Variants in ZMYM2 observed in about 807,000 individuals in gnomAD.
ZMYM2 encodes zinc finger MYM-type protein 2.
A neutral mutation model predicts 162.8 loss-of-function variants in ZMYM2; 56 were observed. That is an observed-to-expected ratio of 0.34 (90% CI 0.28 to 0.43). The LOEUF (loss-of-function observed/expected upper bound fraction) is 0.43, where lower values mean the gene tolerates loss of function less well. Ranked by LOEUF, ZMYM2 falls within the 20% of genes least tolerant of loss-of-function variation. ZMYM2 has a pLI of 1.00. For synonymous variants in ZMYM2, 510 were observed against 541.6 expected (o/e 0.94, Z 0.81); for missense variants, 1,275 against 1,621.8 (o/e 0.79, Z 3.67).
rs556372377 is a variant in ZMYM2 at position 20,030,468 on chromosome 13, G to A, written c.1852-851G>A. On this transcript the variant is annotated intron_variant, in intron 9 of 24. Transcript: ENST00000610343. ...GGCTGGAGTGCAGTGGCGTGATCTC[G>A]GCTCACTGCAAGCTCCACCTCCTGG... is the stretch of plus-strand genomic sequence containing the variant. Among the ~76,000 whole-genome samples the A allele has an allele frequency of 1.8e-3, 272 of 148,550 alleles. 2 individuals are homozygous for A. The highest frequency in any genetic ancestry group is 0.012 in the South Asian group (57 of 4,714).
intron 2 of ZMYM2, among the ~76,000 whole-genome samples, chr13:19,973,185 C>T (rs1956474608): frequency 1.3e-5 from 2 of 151,912 alleles, no homozygotes; most frequent in South Asian, 2.1e-4. Flanking sequence ...GATCCGCCCA[C>T]CTCAGCCTCC....
intron 6 of ZMYM2, among the ~76,000 whole-genome samples, chr13:20,007,101 C>T (rs1488099517): frequency 6.6e-6 from 1 of 151,688 alleles, no homozygotes; most frequent in African/African-American, 2.4e-5. Flanking sequence ...TTGAAGTGGT[C>T]GTATTGTTTA....
chr13:20,009,619 G>C (rs919316163), intron 6 of ZMYM2, among the ~76,000 whole-genome samples: 2 of 151,934 alleles, frequency 1.3e-5, no homozygotes, highest in African/African-American at 4.8e-5. Flanking sequence ...CTATGAATTC[G>C]TATATTCTAG....
chr13:19,963,092 A>C (rs142995396), intron 2 of ZMYM2, among the ~76,000 whole-genome samples: 2 of 150,756 alleles, frequency 1.3e-5, no homozygotes, highest in Admixed American at 6.6e-5. Context: ...GCCCGCCTCA[A>C]CCTTCCAGAG....
chr13:20,028,791 C>T (rs1376895585), intron 9 of ZMYM2, among the ~76,000 whole-genome samples: 1 of 151,642 alleles, frequency 6.6e-6, no homozygotes, highest in Non-Finnish European at 1.5e-5. Context: ...TGTACATGTC[C>T]ATACACATGC....
chr13:19,983,888 A>G (rs935527264), intron 2 of ZMYM2, among the ~76,000 whole-genome samples: 1 of 152,210 alleles, frequency 6.6e-6, no homozygotes, highest in African/African-American at 2.4e-5. Flanking sequence ...ATGGCCTCCT[A>G]AAGTGCTGGG....
intron 12 of ZMYM2, among the ~76,000 whole-genome samples, chr13:20,046,599 G>GTATATA (rs1954824174): frequency 3.7e-5 from 1 of 27,002 alleles, no homozygotes; most frequent in Non-Finnish European, 2.1e-4. Flanking sequence ...GTGTGTGTGT[G>GTATATA]TGTGTGTGTA....
Position 20,031,300 on chromosome 13 carries a change from CT to C in ZMYM2, c.1852-15del. 6.4e-7 allele frequency: 1 copy of C among 1,551,386 alleles called. No individual in the cohort carries two copies. On this transcript the variant is annotated intron_variant, in intron 9 of 24. Transcript: ENST00000610343. ...CAAACATACATGTCAGGCTTAGTAT[CT>C]TTTGTTCTTTGTTTTAGGCTCTAAG...
intron 6 of ZMYM2, 97 bp downstream of exon 6, chr13:20,006,683 CT>C: frequency 8.3e-7 from 1 of 1,209,178 alleles, no homozygotes; most frequent in Non-Finnish European, 1.2e-6. Context: ...CTGGCTTTAT[CT>C]TAGAATTTCA....
chr13:20,080,909 TA>T lies in ZMYM2; in HGVS notation c.3454-1105del, dbSNP rs1301948273. Among the ~76,000 whole-genome samples the T allele has an allele frequency of 3.3e-5, 5 of 152,376 alleles. No individual in the cohort carries two copies. The South Asian group carries it at 1.0e-3, about 32-fold the overall frequency. ...GTCATGCAGACATTCAACTATGCTGTAACATGAAAGCTGCTGTACAGTATGC... is the reference window on the plus strand; with the variant it reads ...GTCATGCAGACATTCAACTATGCTGTACATGAAAGCTGCTGTACAGTATGC... On this transcript the variant is annotated intron_variant, in intron 21 of 24. Transcript: ENST00000610343.
rs1954029292 is a variant in ZMYM2 at position 20,039,458 on chromosome 13, C to T, written c.2292+2549C>T. On this transcript the variant is annotated intron_variant, in intron 12 of 24. Coordinates refer to ENST00000610343, the MANE Select transcript of ZMYM2 (RefSeq NM_197968.4). The stretch of plus-strand genomic sequence containing the variant: ...TATTTTGAGGTATATTTCTTCAATA[C>T]CTAGTTTATTGAGAGTTTTTTTTTT... Among the ~76,000 whole-genome samples, 3 of 145,888 alleles carry T rather than the reference C, an allele frequency of 2.1e-5. No homozygotes were observed. In the Admixed American group the frequency reaches 2.2e-4, roughly 11 times the overall value.
At chr13:19,887,300 G>A in the ZMYM2 span, among the ~76,000 whole-genome samples, 3 of 151,522 alleles carry the variant, frequency 2.0e-5, no homozygotes, top group East Asian at 5.8e-4. Context: ...AGGCGGAGGC[G>A]GGTGGATCAC....
intron 14 of ZMYM2, among the ~76,000 whole-genome samples, chr13:20,055,597 A>G (rs931791037): frequency 2.0e-5 from 3 of 152,210 alleles, no homozygotes; most frequent in African/African-American, 7.2e-5. Flanking sequence ...ATACTGTTAG[A>G]AAAGTTTCAT....
At chr13:20,050,215 T>TA (rs1555319323) in intron 12 of ZMYM2, among the ~76,000 whole-genome samples, 2 of 151,766 alleles carry the variant, frequency 1.3e-5, no homozygotes, top group Non-Finnish European at 3.0e-5. Context: ...GCAGGAGAAA[T>TA]ACCTGACCTG....
At chr13:20,056,306 G>A (rs1289974450) in intron 14 of ZMYM2, among the ~76,000 whole-genome samples, 1 of 152,182 alleles carries the variant, frequency 6.6e-6, no homozygotes, top group African/African-American at 2.4e-5. Flanking sequence ...CATCCTAGAA[G>A]TTGAACACTA....
chr13:19,942,639 G>A, the ZMYM2 span, among the ~76,000 whole-genome samples: 1 of 152,034 alleles, frequency 6.6e-6, no homozygotes, highest in Admixed American at 6.6e-5. Context: ...GAGCCTGGGA[G>A]GTTGAAGCTG....
chr13:19,996,709 T>A (rs1886017), intron 3 of ZMYM2, among the ~76,000 whole-genome samples: 2,094 of 151,804 alleles, frequency 0.014, 40 homozygotes, highest in African/African-American at 0.047. Flanking sequence ...AGACTGAGAC[T>A]CTGTCTCAAA....
the ZMYM2 span, among the ~76,000 whole-genome samples, chr13:19,892,094 G>A: frequency 3.0e-4 from 45 of 151,464 alleles, 2 homozygotes; most frequent in Admixed American, 1.8e-3. Context: ...GCGTGAGCTA[G>A]CACACCCAGC....
intron 2 of ZMYM2, among the ~76,000 whole-genome samples, chr13:19,983,022 T>A (rs1957486184): frequency 6.6e-6 from 1 of 152,258 alleles, no homozygotes; most frequent in African/African-American, 2.4e-5. Flanking sequence ...CATATTAATT[T>A]GTTATGTAGA....
Sources: allele counts gnomAD v4.1 joint callset (sites outside exome capture counted in the v4.1 genomes callset), GRCh38; gene constraint gnomAD v4.1.1; transcripts MANE v1.5; gene names NCBI Gene and HGNC (gene_info 2026-07-23, HGNC 2026-07-21).